ST6GALNAC3: variants seen among roughly 807,000 people sequenced by gnomAD.
The protein encoded by ST6GALNAC3 is ST6 N-acetylgalactosaminide alpha-2,6-sialyltransferase 3.
ST6GALNAC3 carries 25 observed loss-of-function variants against 32.7 expected under a neutral mutation model. The ratio of observed to expected loss-of-function variants is 0.76; its 90% CI spans 0.56 to 1.07. The LOEUF (loss-of-function observed/expected upper bound fraction) is 1.07. Among genes scored for constraint, ST6GALNAC3 ranks in the 50% least tolerant of loss-of-function variants. The pLI is 0.00. For missense variants in ST6GALNAC3, 355 were observed against 382.4 expected (o/e 0.93, Z 0.60); for synonymous variants, 129 against 133.1 (o/e 0.97, Z 0.21).
intron 1 of ST6GALNAC3, among the ~76,000 whole-genome samples, chr1:76,244,059 T>C (rs1570559846): frequency 6.6e-6 from 1 of 152,210 alleles, no homozygotes; most frequent in Non-Finnish European, 1.5e-5. Flanking sequence ...TTTCACAATA[T>C]TGATTCTTCC....
At chr1:76,331,414 T>G (rs927044978) in intron 2 of ST6GALNAC3, among the ~76,000 whole-genome samples, 1 of 152,240 alleles carries the variant, frequency 6.6e-6, no homozygotes, top group Non-Finnish European at 1.5e-5. Context: ...AGCATCCAAA[T>G]GCTTCCTTAA....
At chr1:76,086,548 A>G (rs965113903) in intron 1 of ST6GALNAC3, among the ~76,000 whole-genome samples, 23 of 151,982 alleles carry the variant, frequency 1.5e-4, no homozygotes, top group African/African-American at 5.3e-4. Context: ...ATTGAAGCCT[A>G]TTTTTCTGAT....
At chr1:76,153,912 C>G (rs1436927490) in intron 1 of ST6GALNAC3, among the ~76,000 whole-genome samples, 16 of 152,128 alleles carry the variant, frequency 1.1e-4, no homozygotes. Context: ...GCAACTTTCT[C>G]CATTTTGGTG....
At chr1:76,614,501 C>CTG (rs373932963) in intron 3 of ST6GALNAC3, among the ~76,000 whole-genome samples, 1,829 of 152,060 alleles carry the variant, frequency 0.012, 14 homozygotes, top group Middle Eastern at 0.031. Context: ...GGGCAGATCA[C>CTG]GAGGTCAGGA....
intron 3 of ST6GALNAC3, among the ~76,000 whole-genome samples, chr1:76,561,399 A>G (rs1257367911): frequency 7.9e-5 from 12 of 152,206 alleles, no homozygotes. Flanking sequence ...TATATATCAG[A>G]TAAAGGACTC....
At chr1:76,168,932 G>A (rs528268968) in intron 1 of ST6GALNAC3, among the ~76,000 whole-genome samples, 148 of 152,160 alleles carry the variant, frequency 9.7e-4, no homozygotes, top group African/African-American at 3.4e-3. Flanking sequence ...TCTTTTACCT[G>A]GGGCACTTAG....
At chr1:76,155,972 T>A (rs1453057754) in intron 1 of ST6GALNAC3, among the ~76,000 whole-genome samples, 1 of 152,192 alleles carries the variant, frequency 6.6e-6, no homozygotes, top group East Asian at 1.9e-4. Context: ...CTTACCTTAG[T>A]TGTCATGTCT....
At chr1:76,391,020 C>T (rs944973154) in intron 2 of ST6GALNAC3, among the ~76,000 whole-genome samples, 5 of 148,346 alleles carry the variant, frequency 3.4e-5, no homozygotes, top group Non-Finnish European at 7.5e-5. Context: ...GCTCACTGCA[C>T]GCTCCACCTC....
At chr1:76,206,683 A>T (rs575873381) in intron 1 of ST6GALNAC3, among the ~76,000 whole-genome samples, 191 of 152,142 alleles carry the variant, frequency 1.3e-3, no homozygotes, top group African/African-American at 4.5e-3. Context: ...CAGTGAGCTG[A>T]GATCGCGCCA....
chr1:76,267,346 CA>C (rs1490961813), intron 1 of ST6GALNAC3, among the ~76,000 whole-genome samples: 1 of 152,200 alleles, frequency 6.6e-6, no homozygotes, highest in Admixed American at 6.5e-5. Context: ...CCTCCCTTCC[CA>C]GCCCACTCGA....
chr1:76,554,541 G>T (rs1664812265), intron 3 of ST6GALNAC3, among the ~76,000 whole-genome samples: 1 of 152,080 alleles, frequency 6.6e-6, no homozygotes, highest in African/African-American at 2.4e-5. Flanking sequence ...GCTGGAGTCA[G>T]GAGGTTTACT....
intron 3 of ST6GALNAC3, among the ~76,000 whole-genome samples, chr1:76,508,490 C>T (rs1246013355): frequency 1.3e-5 from 2 of 152,050 alleles, no homozygotes; most frequent in South Asian, 2.1e-4. Context: ...AGGACAGCTC[C>T]CAGAGTCTGC....
At chr1:76,587,438 G>A (rs1348773225) in intron 3 of ST6GALNAC3, among the ~76,000 whole-genome samples, 1 of 152,176 alleles carries the variant, frequency 6.6e-6, no homozygotes, top group Non-Finnish European at 1.5e-5. Flanking sequence ...TGGCTGACGG[G>A]CAAAGTTCTC....
chr1:76,224,141 T>G (rs1421048653), intron 1 of ST6GALNAC3, among the ~76,000 whole-genome samples: 2 of 152,208 alleles, frequency 1.3e-5, no homozygotes, highest in Non-Finnish European at 2.9e-5. Flanking sequence ...ATCATTCTAC[T>G]TATAATGTCC....
At chr1:76,098,951 A>G (rs1359962927) in intron 1 of ST6GALNAC3, among the ~76,000 whole-genome samples, 1 of 152,028 alleles carries the variant, frequency 6.6e-6, no homozygotes, top group Non-Finnish European at 1.5e-5. Context: ...ATTTTTCTGT[A>G]TGATGTAAAA....
chr1:76,247,223 A>G (rs909692341), intron 1 of ST6GALNAC3, among the ~76,000 whole-genome samples: 8 of 152,132 alleles, frequency 5.3e-5, no homozygotes, highest in African/African-American at 1.9e-4. Flanking sequence ...TCTCTCCTGT[A>G]TGAGGTTTCT....
At chr1:76,339,341 G>A (rs1020086896) in intron 2 of ST6GALNAC3, among the ~76,000 whole-genome samples, 14 of 152,128 alleles carry the variant, frequency 9.2e-5, no homozygotes, top group African/African-American at 3.4e-4. Context: ...TCTTGAAGAT[G>A]GAGTGAAGCT....
In ST6GALNAC3 at chr1:76,629,606, A is replaced by C; in HGVS notation, c.*800A>C. 1.0e-6 allele frequency: 1 copy of C among 984,592 alleles called. No individual in the cohort carries two copies. Among genetic ancestry groups the C allele is most frequent in the Non-Finnish European group, 1.2e-6 (1 of 828,850 alleles). The allele number at this position is 984,592 out of a possible 1,614,324, so 61.0% of individuals were successfully genotyped here. A position where few individuals can be genotyped will look rare whatever the true frequency, so the allele number is the denominator to read the frequency against. On this transcript the variant is annotated 3_prime_UTR_variant, in exon 5 of 5. Coordinates refer to ENST00000328299, the MANE Select transcript of ST6GALNAC3 (RefSeq NM_152996.4). Reference sequence around the variant, plus strand: ...TAAATATTTCAGAAGGCTACTTAACATGTAAGATACCAACTTCAACACTGT... The same window carrying C: ...TAAATATTTCAGAAGGCTACTTAACCTGTAAGATACCAACTTCAACACTGT...
intron 3 of ST6GALNAC3, among the ~76,000 whole-genome samples, chr1:76,559,056 T>C (rs1665092492): frequency 1.3e-5 from 2 of 152,200 alleles, no homozygotes; most frequent in Admixed American, 6.6e-5. Context: ...AAATATCTTA[T>C]TAAATAATAG....
Sources: allele counts gnomAD v4.1 joint callset (sites outside exome capture counted in the v4.1 genomes callset), GRCh38; gene constraint gnomAD v4.1.1; transcripts MANE v1.5; gene names NCBI Gene and HGNC (gene_info 2026-07-23, HGNC 2026-07-21).